Variants in DTNB observed in about 807,000 individuals in gnomAD.
DTNB encodes the protein dystrobrevin beta.
DTNB carries 63 observed loss-of-function variants against 90.7 expected under a neutral mutation model. The observed-to-expected ratio is 0.69, with a 90% confidence interval of 0.57 to 0.86. The LOEUF is 0.86. DTNB is among the 40% of genes least tolerant of loss of function. The pLI is 0.00. For synonymous variants in DTNB, 277 were observed against 286.7 expected, an observed-to-expected ratio of 0.97 and a Z score of 0.34; for missense variants, 744 against 807.1, an observed-to-expected ratio of 0.92 and a Z score of 0.95.
intron 5 of DTNB, among the ~76,000 whole-genome samples, chr2:25,601,493 C>A (rs572487046): frequency 6.8e-4 from 103 of 152,292 alleles, no homozygotes; most frequent in Middle Eastern, 3.4e-3. Context: ...TAGTGAGCCA[C>A]CATCATCACA....
At chr2:25,612,824 A>G (rs2068995304) in intron 4 of DTNB, among the ~76,000 whole-genome samples, 1 of 152,198 alleles carries the variant, frequency 6.6e-6, no homozygotes, top group Admixed American at 6.5e-5. Context: ...TGAACTAGAT[A>G]TATACAGACT....
chr2:25,601,645 G>A (rs560142142), intron 5 of DTNB, among the ~76,000 whole-genome samples: 8 of 152,052 alleles, frequency 5.3e-5, no homozygotes, highest in Non-Finnish European at 1.0e-4. Flanking sequence ...CTGAAGAAAT[G>A]AGTCTATAAA....
intron 9 of DTNB, among the ~76,000 whole-genome samples, chr2:25,489,778 T>C (rs576104228): frequency 3.2e-4 from 49 of 152,178 alleles, no homozygotes; most frequent in African/African-American, 1.2e-3. Context: ...ACCAGTTAAT[T>C]TGAATTGTTA....
intron 19 of DTNB, among the ~76,000 whole-genome samples, chr2:25,380,241 T>C (rs1240402628): frequency 6.6e-6 from 1 of 152,202 alleles, no homozygotes; most frequent in Non-Finnish European, 1.5e-5. Context: ...GAAGCAAATA[T>C]ACTCTCTCTC....
intron 9 of DTNB, among the ~76,000 whole-genome samples, chr2:25,490,290 G>T (rs1466533822): frequency 2.7e-5 from 4 of 149,346 alleles, no homozygotes; most frequent in Admixed American, 2.7e-4. Flanking sequence ...GCGGGCAGGG[G>T]GAATTATAGA....
At chr2:25,378,317 G>A (rs2036448423) in intron 20 of DTNB, among the ~76,000 whole-genome samples, 1 of 152,192 alleles carries the variant, frequency 6.6e-6, no homozygotes, top group Non-Finnish European at 1.5e-5. Flanking sequence ...CCAGGGCAGC[G>A]AGAGAATGTG....
intron 6 of DTNB, among the ~76,000 whole-genome samples, chr2:25,589,896 G>T (rs1352719515): frequency 6.6e-6 from 1 of 152,184 alleles, no homozygotes; most frequent in Non-Finnish European, 1.5e-5. Context: ...TGGATCCCAT[G>T]CCTACCAAGG....
chr2:25,580,515 T>C (rs2061404600), intron 7 of DTNB, among the ~76,000 whole-genome samples: 1 of 147,240 alleles, frequency 6.8e-6, no homozygotes, highest in South Asian at 2.1e-4. Flanking sequence ...AGTGAGACTC[T>C]GTCTCAAAAA....
intron 10 of DTNB, among the ~76,000 whole-genome samples, chr2:25,463,389 G>C (rs916182229): frequency 2.0e-5 from 3 of 152,108 alleles, no homozygotes; most frequent in African/African-American, 4.8e-5. Flanking sequence ...AACTTCTTAG[G>C]AGTTCTCGCT....
At chr2:25,605,579 G>A (rs568455957) in intron 5 of DTNB, among the ~76,000 whole-genome samples, 3 of 152,264 alleles carry the variant, frequency 2.0e-5, no homozygotes, top group African/African-American at 7.2e-5. Flanking sequence ...CATATGCCAG[G>A]TGAGCTGGCT....
chr2:25,620,532 A>C (rs1308499300), intron 4 of DTNB, among the ~76,000 whole-genome samples: 2 of 152,224 alleles, frequency 1.3e-5, no homozygotes, highest in African/African-American at 2.4e-5. Flanking sequence ...CAAAAGAATA[A>C]ACAAAAAAAA....
intron 11 of DTNB, 60 bp downstream of exon 11, chr2:25,455,345 C>G: frequency 6.7e-7 from 1 of 1,487,150 alleles, no homozygotes; most frequent in Non-Finnish European, 9.0e-7. Context: ...CCCCAGGTAG[C>G]AAAGCTCTCC....
intron 5 of DTNB, among the ~76,000 whole-genome samples, chr2:25,600,129 G>A (rs2065555661): frequency 6.6e-6 from 1 of 152,152 alleles, no homozygotes; most frequent in Non-Finnish European, 1.5e-5. Flanking sequence ...AGTCTTACAA[G>A]GAGGAAAATA....
chr2:25,516,394 G>A (rs2075121587), intron 9 of DTNB, among the ~76,000 whole-genome samples: 1 of 152,036 alleles, frequency 6.6e-6, no homozygotes, highest in Non-Finnish European at 1.5e-5. Flanking sequence ...CCACAGGCAT[G>A]CATCACCCCA....
intron 8 of DTNB, among the ~76,000 whole-genome samples, chr2:25,549,078 GTAA>G (rs1389816233): frequency 1.3e-5 from 2 of 151,932 alleles, no homozygotes; most frequent in African/African-American, 2.4e-5. Context: ...TATAATATAT[GTAA>G]TAATATTTAT....
At chr2:25,586,363 C>T (rs2062403955) in intron 6 of DTNB, among the ~76,000 whole-genome samples, 1 of 150,972 alleles carries the variant, frequency 6.6e-6, no homozygotes, top group Non-Finnish European at 1.5e-5. Context: ...TACAAAAATT[C>T]GCCAGGTGCG....
chr2:25,547,470 C>A (rs529054081), intron 8 of DTNB, among the ~76,000 whole-genome samples: 1 of 152,126 alleles, frequency 6.6e-6, no homozygotes, highest in South Asian at 2.1e-4. Context: ...ATTACAGGCA[C>A]CCACCACCAT....
chr2:25,629,173 T>C (rs1341322771), intron 3 of DTNB, among the ~76,000 whole-genome samples: 2 of 152,096 alleles, frequency 1.3e-5, no homozygotes, highest in Non-Finnish European at 2.9e-5. Context: ...GACTGCAAAA[T>C]AATTTTAATG....
chr2:25,490,140 G>A (rs937741196), intron 9 of DTNB, among the ~76,000 whole-genome samples: 3 of 152,046 alleles, frequency 2.0e-5, no homozygotes. Flanking sequence ...GCTAGGTGTG[G>A]TGGCATATGC....
Sources: allele counts gnomAD v4.1 joint callset (sites outside exome capture counted in the v4.1 genomes callset), GRCh38; gene constraint gnomAD v4.1.1; transcripts MANE v1.5; gene names NCBI Gene and HGNC (gene_info 2026-07-23, HGNC 2026-07-21).